CAMK2D: variants seen among roughly 807,000 people sequenced by gnomAD.
The protein encoded by CAMK2D is calcium/calmodulin-dependent protein kinase type II subunit delta.
A neutral mutation model predicts 84.0 loss-of-function variants in CAMK2D; 37 were observed. The observed-to-expected ratio is 0.44, with a 90% CI of 0.34 to 0.58. The LOEUF is 0.58. CAMK2D is among the 20% of genes least tolerant of loss of function. The probability of loss-of-function intolerance (pLI) is 0.02; values close to 1 mark genes in which losing one functional copy is unlikely to be tolerated. For missense variants in CAMK2D, 448 were observed against 652.5 expected, an observed-to-expected ratio of 0.69 and a Z score of 3.41; for synonymous variants, 202 against 212.5, an observed-to-expected ratio of 0.95 and a Z score of 0.43.
chr4:113,492,564 A>G (rs1004258558), intron 16 of CAMK2D, among the ~76,000 whole-genome samples: 2 of 151,952 alleles, frequency 1.3e-5, no homozygotes, highest in Non-Finnish European at 2.9e-5. Flanking sequence ...ACTTCCAACT[A>G]TGTGGTCAAT....
intron 4 of CAMK2D, among the ~76,000 whole-genome samples, chr4:113,578,447 G>A (rs1473804572): frequency 2.6e-5 from 4 of 152,192 alleles, no homozygotes; most frequent in African/African-American, 4.8e-5. Context: ...GTTCCATCTC[G>A]GAATTGTTTG....
chr4:113,570,619 T>A (rs1169680525), intron 4 of CAMK2D, among the ~76,000 whole-genome samples: 1 of 152,254 alleles, frequency 6.6e-6, no homozygotes, highest in East Asian at 1.9e-4. Flanking sequence ...AAATTAGACA[T>A]TCATATTACA....
chr4:113,565,072 T>C (rs2098715858), intron 4 of CAMK2D, among the ~76,000 whole-genome samples: 1 of 151,934 alleles, frequency 6.6e-6, no homozygotes, highest in Admixed American at 6.6e-5. Flanking sequence ...TCAGAAAAAA[T>C]AATAACATTT....
chr4:113,603,234 T>C (rs962276928), intron 4 of CAMK2D, among the ~76,000 whole-genome samples: 19 of 152,194 alleles, frequency 1.2e-4, no homozygotes, highest in South Asian at 6.2e-4. Flanking sequence ...TATTATACTT[T>C]CAGTTTTAGG....
chr4:113,581,012 G>C (rs538279175), intron 4 of CAMK2D, among the ~76,000 whole-genome samples: 2 of 151,944 alleles, frequency 1.3e-5, no homozygotes, highest in South Asian at 4.2e-4. Context: ...AAACCACTAT[G>C]GTACACGTCC....
intron 4 of CAMK2D, among the ~76,000 whole-genome samples, chr4:113,565,174 C>G (rs2098716424): frequency 6.6e-6 from 1 of 152,166 alleles, no homozygotes; most frequent in Non-Finnish European, 1.5e-5. Context: ...GCCAGCACCA[C>G]AGTGTATTGG....
intron 2 of CAMK2D, among the ~76,000 whole-genome samples, chr4:113,734,406 T>C (rs1441219839): frequency 2.0e-5 from 3 of 152,288 alleles, no homozygotes; most frequent in Middle Eastern, 3.4e-3. Flanking sequence ...ATTTACAAAT[T>C]TGCAAAATAA....
intron 2 of CAMK2D, among the ~76,000 whole-genome samples, chr4:113,677,315 G>A (rs967239328): frequency 6.6e-6 from 1 of 151,938 alleles, no homozygotes; most frequent in Non-Finnish European, 1.5e-5. Flanking sequence ...AACAAAATAA[G>A]GCCCAAGACA....
In CAMK2D at chr4:113,465,547, C is replaced by T; in HGVS notation, c.1193G>A (p.Gly398Glu). ...TACTCACGTGTAGGCTTCAAAGTCC[C>T]CATTGTTGATAGCTTCGATCAGTTG... The part of the protein sequence containing the change: ...TEQLIEAINN[G>E]DFEAYTKICD... Residue 398 changes from glycine (G) to glutamate (E), a missense_variant, in exon 17 of 21, where the codon GGG (glycine) becomes GAG (glutamate). By Grantham distance (98) the Gly-to-Glu change is moderately conservative (BLOSUM62 -2). Coordinates refer to ENST00000511664, the MANE Select transcript of CAMK2D (RefSeq NM_001321571.2). 6.2e-7 allele frequency: 1 copy of T among 1,611,750 alleles called. No homozygotes were observed. The highest frequency in any genetic ancestry group is 2.2e-5 in the East Asian group (1 of 44,838).
intron 17 of CAMK2D, among the ~76,000 whole-genome samples, chr4:113,462,646 AT>A (rs2097402223): frequency 6.6e-6 from 1 of 152,126 alleles, no homozygotes; most frequent in South Asian, 2.1e-4. Context: ...AAAATACCCT[AT>A]TTTAAACTGA....
At chr4:113,650,061 G>A (rs1459764335) in intron 3 of CAMK2D, among the ~76,000 whole-genome samples, 1 of 152,146 alleles carries the variant, frequency 6.6e-6, no homozygotes, top group African/African-American at 2.4e-5. Context: ...CCTCCAGCCA[G>A]AGTGACAGAG....
At chr4:113,479,277 A>G (rs908417719) in intron 16 of CAMK2D, among the ~76,000 whole-genome samples, 3 of 152,224 alleles carry the variant, frequency 2.0e-5, no homozygotes, top group Admixed American at 6.5e-5. Flanking sequence ...TGTGGAAAAC[A>G]ATCAGTCTAC....
chr4:113,588,386 A>T (rs1315520005), intron 4 of CAMK2D, among the ~76,000 whole-genome samples: 1 of 152,206 alleles, frequency 6.6e-6, no homozygotes. Context: ...CAATTTAAGT[A>T]CATCATAAAT....
Position 113,648,631 on chromosome 4 carries a change from C to T in CAMK2D, c.220+13082G>A, listed in dbSNP as rs146391314. Among the ~76,000 whole-genome samples, 2 of 152,208 alleles carry T rather than the reference C, an allele frequency of 1.3e-5. 1 individual carries two copies. The highest frequency in any genetic ancestry group is 1.3e-4 in the Admixed American group (2 of 15,284). ...AAAAAGCACCCTAGAAATAAGTGCT[C>T]AACCACAGTTAGGTGGTGATGGAGT... On this transcript the variant is annotated intron_variant, in intron 3 of 20. Coordinates refer to ENST00000511664, the MANE Select transcript of CAMK2D (RefSeq NM_001321571.2).
chr4:113,741,085 G>A (rs550513594), intron 2 of CAMK2D, among the ~76,000 whole-genome samples: 2 of 152,202 alleles, frequency 1.3e-5, no homozygotes, highest in South Asian at 4.1e-4. Context: ...ATCACAGACT[G>A]CTGCAGTACC....
chr4:113,725,150 CTA>C (rs757237263), intron 2 of CAMK2D, among the ~76,000 whole-genome samples: 28 of 151,914 alleles, frequency 1.8e-4, no homozygotes, highest in Non-Finnish European at 3.8e-4. Flanking sequence ...TGAAAATAAA[CTA>C]TGTAAGAATT....
chr4:113,709,608 TC>T (rs1017734706), intron 2 of CAMK2D, among the ~76,000 whole-genome samples: 3 of 133,550 alleles, frequency 2.2e-5, no homozygotes, highest in African/African-American at 1.2e-4. Context: ...TCTTCCAAAT[TC>T]CTATGTCCCT....
intron 4 of CAMK2D, among the ~76,000 whole-genome samples, chr4:113,567,266 C>G (rs2098730085): frequency 6.7e-6 from 1 of 149,382 alleles, no homozygotes; most frequent in Non-Finnish European, 1.5e-5. Context: ...CTCCTGGGTT[C>G]AAGCAATTCT....
chr4:113,713,029 T>G (rs541666627), intron 2 of CAMK2D, among the ~76,000 whole-genome samples: 2 of 152,136 alleles, frequency 1.3e-5, no homozygotes, highest in South Asian at 4.1e-4. Flanking sequence ...ATTTCCAGAT[T>G]AACCATGTTG....
Sources: gnomAD v4.1 joint callset for allele counts (sites outside exome capture counted in the v4.1 genomes callset) on GRCh38, gnomAD v4.1.1 for gene constraint, MANE v1.5 for transcripts, NCBI Gene and HGNC (gene_info 2026-07-23, HGNC 2026-07-21) for gene names.